The following VANGL2 variants were observed in gnomAD, a reference collection of about 807,000 sequenced individuals.
The protein encoded by VANGL2 is vang-like protein 2.
In VANGL2, 14 loss-of-function variants were observed where a neutral mutation model predicts 50.2. The observed-to-expected ratio is 0.28, with a 90% confidence interval of 0.18 to 0.44. The LOEUF is 0.44. Ranked by LOEUF, VANGL2 falls within the 20% of genes least tolerant of loss-of-function variation. The probability of loss-of-function intolerance (pLI) is 1.00; values close to 1 mark genes in which losing one functional copy is unlikely to be tolerated. For synonymous variants in VANGL2, 295 were observed against 297.2 expected (o/e 0.99, Z 0.08); for missense variants, 533 against 701.5 (o/e 0.76, Z 2.71).
intron 1 of VANGL2, among the ~76,000 whole-genome samples, chr1:160,404,230 T>C (rs1055441489): frequency 2.6e-5 from 4 of 152,046 alleles, no homozygotes; most frequent in African/African-American, 9.7e-5. Context: ...GAGGGGCAAA[T>C]AAGATGTTTT....
At position 160,419,821 on chromosome 1, in the gene VANGL2, G is replaced by A. The variant is rs1651203632; in HGVS notation, c.800+212G>A. On this transcript the variant is annotated intron_variant, in intron 4 of 7. Transcript: ENST00000368061. The surrounding 1 kb of genome is among the most constrained non-coding windows in gnomAD (Gnocchi z 5.8). ...TGTACACGGTCTTGGGGCAAGATCA[G>A]TTGGGAGTTATGAGATGGGAATGAA... 6.6e-6 allele frequency among the ~76,000 whole-genome samples: 1 copy of A among 151,538 alleles called. No homozygotes were observed. The highest frequency in any genetic ancestry group is 6.6e-5 in the Admixed American group (1 of 15,198).
chr1:160,415,980 G>A (rs1651042630), intron 2 of VANGL2, 72 bp downstream of exon 2: 1 of 1,614,194 alleles, frequency 6.2e-7, no homozygotes. Flanking sequence ...GGCACGTGCA[G>A]GGGTGGTAGG....
chr1:160,402,609 T>A (rs1650512034), intron 1 of VANGL2, among the ~76,000 whole-genome samples: 1 of 152,128 alleles, frequency 6.6e-6, no homozygotes, highest in African/African-American at 2.4e-5. Context: ...TTTTCCCTGG[T>A]GTCAAGCATG....
chr1:160,420,533 A>C lies in VANGL2; in HGVS notation c.923A>C (p.Tyr308Ser). The C allele has an allele frequency of 6.2e-7, 1 of 1,614,086 alleles. No homozygotes were observed. Among genetic ancestry groups the C allele is most frequent in the Non-Finnish European group, 8.5e-7 (1 of 1,179,994 alleles). ...LAKKVSGFKV[Y>S]SLGEENSTNN... ...AAGAAAGTGTCTGGCTTCAAGGTGT[A>C]TTCCCTCGGAGAGGGTGAGCAGCCC... The change falls in exon 5 of 8, where the codon TAT becomes TCT. Residue 308 changes from tyrosine (Y) to serine (S), a missense_variant. By Grantham distance (144) the Tyr-to-Ser change is moderately radical. Coordinates refer to ENST00000368061, the MANE Select transcript of VANGL2 (RefSeq NM_020335.3).
In VANGL2 at chr1:160,416,172, G is replaced by T. The variant is rs753522717; in HGVS notation, c.182G>T (p.Gly61Val). 2.5e-6 allele frequency: 4 copies of T among 1,614,206 alleles called. No individual in the cohort carries two copies. Among genetic ancestry groups the T allele is most frequent in the Non-Finnish European group, 3.4e-6 (4 of 1,180,030 alleles). The change falls in exon 3 of 8, where the codon GGG becomes GTG. Residue 61 changes from glycine (G) to valine (V), a missense_variant. By Grantham distance (109) the Gly-to-Val change is moderately radical (BLOSUM62 -3). Coordinates refer to ENST00000368061, the MANE Select transcript of VANGL2 (RefSeq NM_020335.3). Reference protein sequence around the residue: ...EPLLDNESTRGDERDDNWGET... With the variant: ...EPLLDNESTRVDERDDNWGET... ...CTGCTGGACAATGAGTCCACACGAG[G>T]GGATGAGCGGGTGAGCACTGGGGAT... is the stretch of plus-strand genomic sequence containing the variant.
Position 160,412,043 on chromosome 1 carries a change from G to A in VANGL2, c.-190-3605G>A, listed in dbSNP as rs139679535. 5.3e-5 allele frequency among the ~76,000 whole-genome samples: 8 copies of A among 152,300 alleles called. No individual in the cohort carries two copies. In the East Asian group the frequency reaches 1.5e-3, roughly 29 times the overall value. ...ATTACTAGCTGAACCATTTATAAAA[G>A]CACTTCTTTCACCCTCGTGATCCTT... On this transcript the variant is annotated intron_variant, in intron 1 of 7. Transcript: ENST00000368061.
Position 160,419,536 on chromosome 1 carries a change from C to A in VANGL2, c.727C>A (p.Gln243Lys). The A allele has an allele frequency of 2.5e-6, 4 of 1,601,206 alleles. No individual in the cohort carries two copies. The highest frequency in any genetic ancestry group is 3.4e-6 in the Non-Finnish European group (4 of 1,179,694). Residue 243 changes from glutamine (Q) to lysine (K), a missense_variant, in exon 4 of 8, where the codon CAG becomes AAG. Gln to Lys is a moderately conservative substitution (Grantham distance 53). Coordinates refer to ENST00000368061, the MANE Select transcript of VANGL2 (RefSeq NM_020335.3). The surrounding 1 kb of genome is among the most constrained non-coding windows in gnomAD (Gnocchi z 5.8). ...GGTCCTGCTGGAGCTGCGCCAGCTCCAGCCTCAGTTCACGCTCAAGGTCGT... is the reference window on the plus strand; with the variant it reads ...GGTCCTGCTGGAGCTGCGCCAGCTCAAGCCTCAGTTCACGCTCAAGGTCGT... The part of the protein sequence containing the change: ...AVVLLELRQL[Q>K]PQFTLKVVRS...
At position 160,424,154 on chromosome 1, in the gene VANGL2, A is replaced by C; in HGVS notation, c.1176A>C (p.Gln392His). 1 of 1,614,228 alleles carries C rather than the reference A, an allele frequency of 6.2e-7. No homozygotes were observed. Among genetic ancestry groups the C allele is most frequent in the Non-Finnish European group, 8.5e-7 (1 of 1,180,048 alleles). The change falls in exon 7 of 8, where the codon CAA becomes CAC. Residue 392 changes from glutamine (Q) to histidine (H), a missense_variant. Gln to His is a conservative substitution (Grantham distance 24). Coordinates refer to ENST00000368061, the MANE Select transcript of VANGL2 (RefSeq NM_020335.3). ...REVMDPREAA[Q>H]AIFASMARAM... ...TGATGGACCCCCGGGAGGCAGCCCA[A>C]GCCATCTTTGCATCCATGGCCCGTG...
At position 160,425,427 on chromosome 1, in the gene VANGL2, TG is replaced by T; in HGVS notation, c.*52del. On this transcript the variant is annotated 3_prime_UTR_variant, in exon 8 of 8. Coordinates refer to ENST00000368061, the MANE Select transcript of VANGL2 (RefSeq NM_020335.3). The stretch of plus-strand genomic sequence containing the variant: ...GAAACTCTGGGGGGTCCTGAGGGGG[TG>T]GGAGGGGGCTTGGTTCTCAGGCCCA... 1 of 160,100 alleles carries T rather than the reference TG, an allele frequency of 6.2e-6. No individual in the cohort carries two copies. The highest frequency in any genetic ancestry group is 1.0e-5 in the Non-Finnish European group (1 of 100,252). 9.9% of individuals were successfully genotyped at this position (160,100 alleles called of 1,614,324 possible). A position where few individuals can be genotyped will look rare whatever the true frequency, so the allele number is the denominator to read the frequency against.
chr1:160,419,224 G>C lies in VANGL2; in HGVS notation c.415G>C (p.Glu139Gln). 6.2e-7 allele frequency: 1 copy of C among 1,610,890 alleles called. No homozygotes were observed. Among genetic ancestry groups the C allele is most frequent in the South Asian group, 1.1e-5 (1 of 91,068 alleles). The change falls in exon 4 of 8, where the codon GAG (glutamate) becomes CAG (glutamine). Residue 139 changes from glutamate (E) to glutamine (Q), a missense_variant. Physicochemically the swap from Glu to Gln is conservative, Grantham distance 29. Transcript: ENST00000368061. The surrounding 1 kb of genome is among the most constrained non-coding windows in gnomAD (Gnocchi z 5.8). Reference protein sequence around the residue: ...LPPLLWREELEPCGTACEGLF... With the variant: ...LPPLLWREELQPCGTACEGLF... ...CCCACTGCTGTGGCGGGAGGAGCTG[G>C]AGCCTTGCGGGACGGCCTGCGAGGG...
At chr1:160,401,821 T>C (rs940144702) in intron 1 of VANGL2, among the ~76,000 whole-genome samples, 7 of 151,960 alleles carry the variant, frequency 4.6e-5, no homozygotes, top group African/African-American at 1.5e-4. Context: ...GAATGGAGTG[T>C]ATGTGGATAG....
Position 160,419,817 on chromosome 1 carries a change from A to G in VANGL2, c.800+208A>G, listed in dbSNP as rs1651203376. Among the ~76,000 whole-genome samples the G allele has an allele frequency of 6.7e-6, 1 of 149,738 alleles. No homozygotes were observed. Among genetic ancestry groups the G allele is most frequent in the Non-Finnish European group, 1.5e-5 (1 of 67,692 alleles). On this transcript the variant is annotated intron_variant, in intron 4 of 7. Transcript: ENST00000368061. The surrounding 1 kb of genome is among the most constrained non-coding windows in gnomAD (Gnocchi z 5.8). The stretch of plus-strand genomic sequence containing the variant: ...TTCATGTACACGGTCTTGGGGCAAG[A>G]TCAGTTGGGAGTTATGAGATGGGAA...
chr1:160,421,025 C>A, intron 5 of VANGL2, 27 bp from the exon 6 acceptor site: 4 of 1,613,880 alleles, frequency 2.5e-6, no homozygotes, highest in African/African-American at 2.7e-5. Context: ...CTGATGTGAC[C>A]ATCTCCTCTA....
In VANGL2 at chr1:160,425,814, A is replaced by G. The variant is rs1651434170; in HGVS notation, c.*436A>G. 6.1e-6 allele frequency: 1 copy of G among 163,960 alleles called. No homozygotes were observed. Among genetic ancestry groups the G allele is most frequent in the African/African-American group, 2.4e-5 (1 of 41,600 alleles). The allele number at this position is 163,960 out of a possible 1,614,324, so 10.2% of individuals were successfully genotyped here. A position where few individuals can be genotyped will look rare whatever the true frequency, so the allele number is the denominator to read the frequency against. ...GCCCAACAGGGTTTCTCTGGGGCAC[A>G]TGGACATGACTCCAGAGAGCCACAG... On this transcript the variant is annotated 3_prime_UTR_variant, in exon 8 of 8. Coordinates refer to ENST00000368061, the MANE Select transcript of VANGL2 (RefSeq NM_020335.3).
Position 160,421,156 on chromosome 1 carries a change from C to T in VANGL2, c.1042C>T (p.His348Tyr). Residue 348 changes from histidine to tyrosine, a missense_variant, in exon 6 of 8, where the codon CAT becomes TAT. Coordinates refer to ENST00000368061, the MANE Select transcript of VANGL2 (RefSeq NM_020335.3). ...HNEYYYEEAEHERRVRKRRAR... is the reference protein window; with the variant it reads ...HNEYYYEEAEYERRVRKRRAR... Reference sequence around the variant, plus strand: ...TGAGTACTACTATGAGGAGGCTGAGCATGAGCGAAGGGTGCGCAAGAGGAG... The same window carrying T: ...TGAGTACTACTATGAGGAGGCTGAGTATGAGCGAAGGGTGCGCAAGAGGAG... 6.2e-7 allele frequency: 1 copy of T among 1,613,872 alleles called. No homozygotes were observed. Among genetic ancestry groups the T allele is most frequent in the Non-Finnish European group, 8.5e-7 (1 of 1,180,032 alleles).
chr1:160,411,040 C>G (rs1463843146), intron 1 of VANGL2, among the ~76,000 whole-genome samples: 1 of 152,022 alleles, frequency 6.6e-6, no homozygotes, highest in African/African-American at 2.4e-5. Flanking sequence ...AGCTCCCCCC[C>G]AATCCCCTTG....
At chr1:160,408,885 C>T (rs771377915) in intron 1 of VANGL2, among the ~76,000 whole-genome samples, 1 of 152,244 alleles carries the variant, frequency 6.6e-6, no homozygotes, top group East Asian at 1.9e-4. Flanking sequence ...TCCTTGCCCA[C>T]TCTGTACCTT....
intron 5 of VANGL2, 102 bp from the exon 6 acceptor site, chr1:160,420,950 A>G: frequency 1.3e-6 from 2 of 1,545,434 alleles, no homozygotes; most frequent in Non-Finnish European, 1.8e-6. Flanking sequence ...TGGTGGGAAC[A>G]GCTTCTTCTG....
rs571581146 is a variant in VANGL2, at chr1:160,411,936, C to T, written c.-190-3712C>T. On this transcript the variant is annotated intron_variant, in intron 1 of 7. Transcript: ENST00000368061. ...TAACAGCAGGGTTTATTTATACCAC[C>T]TCTTTCCCTAGTCTCAGAGGAAGTG... is the stretch of plus-strand genomic sequence containing the variant. 3.4e-4 allele frequency among the ~76,000 whole-genome samples: 52 copies of T among 152,222 alleles called. 1 individual carries two copies. In the South Asian group the frequency reaches 0.011, roughly 31 times the overall value.
Sources: allele counts gnomAD v4.1 joint callset (sites outside exome capture counted in the v4.1 genomes callset), GRCh38; gene constraint gnomAD v4.1.1; non-coding constraint Gnocchi (gnomAD v3.1); transcripts MANE v1.5; gene names NCBI Gene and HGNC (gene_info 2026-07-23, HGNC 2026-07-21).